SLC8A1: variants seen among roughly 807,000 people sequenced by gnomAD.
SLC8A1 encodes the protein sodium/calcium exchanger 1.
A neutral mutation model predicts 68.3 loss-of-function variants in SLC8A1; 18 were observed. The observed-to-expected ratio is 0.26, with a 90% confidence interval of 0.18 to 0.39. The LOEUF is 0.39. Among genes scored for constraint, SLC8A1 ranks in the 10% least tolerant of loss-of-function variants. The pLI is 1.00. For missense variants in SLC8A1, 985 were observed against 1,156.7 expected, an observed-to-expected ratio of 0.85 and a Z score of 2.15; for synonymous variants, 475 against 415.5, an observed-to-expected ratio of 1.14 and a Z score of -1.74.
chr2:40,444,713 G>A (rs1402086664), intron 1 of SLC8A1, among the ~76,000 whole-genome samples: 1 of 152,168 alleles, frequency 6.6e-6, no homozygotes, highest in African/African-American at 2.4e-5. Context: ...TGCATGATGT[G>A]AAAATTATGT....
At chr2:40,163,171 G>A (rs926773570) in intron 5 of SLC8A1, among the ~76,000 whole-genome samples, 14 of 152,120 alleles carry the variant, frequency 9.2e-5, no homozygotes, top group African/African-American at 2.9e-4. Context: ...CTTTCAAATG[G>A]TCAGATCATT....
At position 40,386,014 on chromosome 2, in the gene SLC8A1, C is replaced by T. The variant is rs1192252218; in HGVS notation, c.1808+42459G>A. On this transcript the variant is annotated intron_variant, in intron 2 of 7. Transcript: ENST00000406785. ...TTATCTTTATAAATTTTTAAATTCT[C>T]CGAGTTTTCTTTATTGAACTGGTAT... Among the ~76,000 whole-genome samples, 9 of 151,090 alleles carry T rather than the reference C, an allele frequency of 6.0e-5. 2 individuals carry two copies. The highest frequency in any genetic ancestry group is 2.2e-4 in the African/African-American group (9 of 40,628).
At chr2:40,413,231 G>A (rs950799927) in intron 2 of SLC8A1, among the ~76,000 whole-genome samples, 1 of 152,068 alleles carries the variant, frequency 6.6e-6, no homozygotes, top group African/African-American at 2.4e-5. Flanking sequence ...ATACCATTTG[G>A]CCCAGCCATC....
intron 2 of SLC8A1, among the ~76,000 whole-genome samples, chr2:40,308,542 C>G (rs2073091217): frequency 6.6e-6 from 1 of 152,058 alleles, no homozygotes; most frequent in Non-Finnish European, 1.5e-5. Flanking sequence ...AAGGTTTTCT[C>G]TTAAGTGATG....
At chr2:40,368,820 G>A (rs983633554) in intron 2 of SLC8A1, among the ~76,000 whole-genome samples, 2 of 151,886 alleles carry the variant, frequency 1.3e-5, no homozygotes, top group Non-Finnish European at 2.9e-5. Context: ...AAAACAACAT[G>A]GTACTGGTAC....
At chr2:40,419,935 G>C (rs917238403) in intron 2 of SLC8A1, among the ~76,000 whole-genome samples, 1 of 152,022 alleles carries the variant, frequency 6.6e-6, no homozygotes, top group African/African-American at 2.4e-5. Flanking sequence ...GCCGGCAAAA[G>C]GTAAAAAATT....
At chr2:40,118,828 T>C (rs1344475621) in intron 7 of SLC8A1, among the ~76,000 whole-genome samples, 2 of 151,924 alleles carry the variant, frequency 1.3e-5, no homozygotes, top group Non-Finnish European at 2.9e-5. Flanking sequence ...TCCCTCTGTA[T>C]GCTACAGGGA....
intron 7 of SLC8A1, among the ~76,000 whole-genome samples, chr2:40,129,753 G>A (rs1021576561): frequency 1.3e-5 from 2 of 151,992 alleles, no homozygotes; most frequent in South Asian, 2.1e-4. Flanking sequence ...ACACATGAAC[G>A]CACACCTGTA....
chr2:40,389,951 C>T (rs1223388945), intron 2 of SLC8A1, among the ~76,000 whole-genome samples: 1 of 151,834 alleles, frequency 6.6e-6, no homozygotes, highest in African/African-American at 2.4e-5. Context: ...CACACATACA[C>T]ACACAGTGAA....
At chr2:40,434,471 A>T (rs1422520888) in intron 1 of SLC8A1, among the ~76,000 whole-genome samples, 1 of 152,060 alleles carries the variant, frequency 6.6e-6, no homozygotes, top group Non-Finnish European at 1.5e-5. Context: ...CTATCATCAG[A>T]TTCAAAGTAG....
chr2:40,255,169 T>A (rs890736529), intron 2 of SLC8A1: 1 of 152,136 alleles, frequency 6.6e-6, no homozygotes, highest in Non-Finnish European at 1.5e-5. Context: ...CATGTTAACA[T>A]GACAAACAAC....
At chr2:40,116,590 A>C (rs2035466920) in intron 7 of SLC8A1, among the ~76,000 whole-genome samples, 2 of 151,934 alleles carry the variant, frequency 1.3e-5, no homozygotes, top group African/African-American at 2.4e-5. Context: ...GCGATAGTTT[A>C]CTGAGAATGA....
intron 2 of SLC8A1, among the ~76,000 whole-genome samples, chr2:40,239,885 T>A (rs1238094747): frequency 2.0e-5 from 3 of 152,340 alleles, no homozygotes; most frequent in South Asian, 2.1e-4. Context: ...GTAGATTACT[T>A]CTTTTACCCA....
At chr2:40,398,209 C>T (rs530101671) in intron 2 of SLC8A1, among the ~76,000 whole-genome samples, 1 of 152,314 alleles carries the variant, frequency 6.6e-6, no homozygotes, top group South Asian at 2.1e-4. Context: ...GCCTTGGTCC[C>T]TTCTCCCTAG....
chr2:40,135,465 T>C (rs1021558418), intron 7 of SLC8A1, among the ~76,000 whole-genome samples: 5 of 151,868 alleles, frequency 3.3e-5, no homozygotes, highest in Non-Finnish European at 4.4e-5. Context: ...TCCAGCACTT[T>C]GGGGGCGGCA....
At chr2:40,191,026 G>A (rs2051717130) in intron 2 of SLC8A1, among the ~76,000 whole-genome samples, 1 of 152,146 alleles carries the variant, frequency 6.6e-6, no homozygotes, top group Non-Finnish European at 1.5e-5. Flanking sequence ...ATTGTGAAAA[G>A]AACTGGCTTT....
exon 8 of SLC8A1, chr2:40,099,706 T>C (rs1299815446): frequency 1.3e-5 from 2 of 152,032 alleles, no homozygotes; most frequent in Non-Finnish European, 2.9e-5. Context: ...ATGCCACCCT[T>C]TTCTTTATGG....
intron 2 of SLC8A1, among the ~76,000 whole-genome samples, chr2:40,346,278 A>G (rs1669276349): frequency 6.6e-6 from 1 of 152,040 alleles, no homozygotes; most frequent in African/African-American, 2.4e-5. Flanking sequence ...CCCTTTCCTA[A>G]GCTTTTCTTG....
At chr2:40,227,652 T>A (rs548452588) in intron 2 of SLC8A1, among the ~76,000 whole-genome samples, 1 of 151,960 alleles carries the variant, frequency 6.6e-6, no homozygotes, top group Admixed American at 6.6e-5. Context: ...CAAACCCCCA[T>A]GACACAAGTT....
Sources: allele counts gnomAD v4.1 joint callset (sites outside exome capture counted in the v4.1 genomes callset), GRCh38; gene constraint gnomAD v4.1.1; transcripts MANE v1.5; gene names NCBI Gene and HGNC (gene_info 2026-07-23, HGNC 2026-07-21).